EXOC1: variants seen among roughly 807,000 people sequenced by gnomAD.
EXOC1 encodes the protein SEC3-like 1.
Under a neutral mutation model 107.7 loss-of-function variants are expected in EXOC1, and 67 were observed. That is an observed-to-expected ratio of 0.62 (90% CI 0.51 to 0.76). The LOEUF (loss-of-function observed/expected upper bound fraction) is 0.76. EXOC1 is among the 30% of genes least tolerant of loss of function. EXOC1 has a pLI of 0.00. For missense variants in EXOC1, 833 were observed against 1,055.7 expected (o/e 0.79, Z 2.92); for synonymous variants, 348 against 353.5 (o/e 0.98, Z 0.17).
chr4:55,886,581 A>AC (rs1723904505), intron 10 of EXOC1, among the ~76,000 whole-genome samples: 2 of 151,854 alleles, frequency 1.3e-5, no homozygotes, highest in Admixed American at 1.3e-4. Context: ...AAAACAAAAA[A>AC]AAAAAAAACA....
intron 3 of EXOC1, among the ~76,000 whole-genome samples, chr4:55,860,958 CAAAA>C (rs749255857): frequency 5.5e-5 from 4 of 72,874 alleles, no homozygotes; most frequent in Non-Finnish European, 9.4e-5. Flanking sequence ...GTTTGTGGAT[CAAAA>C]AAAAAAAAAA....
intron 9 of EXOC1, among the ~76,000 whole-genome samples, chr4:55,881,540 A>G (rs1002784960): frequency 1.8e-4 from 28 of 152,068 alleles, no homozygotes; most frequent in Non-Finnish European, 3.2e-4. Flanking sequence ...CCTTGGTTTT[A>G]TACATTTTAG....
intron 16 of EXOC1, among the ~76,000 whole-genome samples, chr4:55,898,658 A>G (rs1447047): frequency 0.21 from 31,961 of 152,142 alleles, 3,699 homozygotes; most frequent in Non-Finnish European, 0.25. Context: ...CCTCTCTTCT[A>G]TATATGGGCA....
intron 10 of EXOC1, among the ~76,000 whole-genome samples, chr4:55,885,897 T>C (rs1423352329): frequency 6.6e-6 from 1 of 152,184 alleles, no homozygotes. Context: ...AAGATATCTT[T>C]TCAGTGATTC....
At chr4:55,864,895 G>A (rs1175680003) in intron 4 of EXOC1, among the ~76,000 whole-genome samples, 1 of 152,134 alleles carries the variant, frequency 6.6e-6, no homozygotes, top group African/African-American at 2.4e-5. Context: ...TGTACAGAGG[G>A]TAGATGTAGT....
intron 10 of EXOC1, 66 bp downstream of exon 10, chr4:55,883,994 C>T (rs1342443601): frequency 8.6e-7 from 1 of 1,157,022 alleles, no homozygotes; most frequent in Non-Finnish European, 1.2e-6. Flanking sequence ...ACAAATAATT[C>T]TAAGACTTCT....
rs1724376649 is a variant in EXOC1, at chr4:55,890,394, A to G, written c.1539+8A>G. ...AGGACCAAATTTGATAAGGTAAACT[A>G]AAATAACAAGTACTTCTTAAACATT... On this transcript the variant is annotated splice_region_variant and intron_variant, in intron 12 of 18. Transcript: ENST00000381295. The G allele has an allele frequency of 2.5e-6, 4 of 1,612,544 alleles. No individual in the cohort carries two copies. The highest frequency in any genetic ancestry group is 3.4e-6 in the Non-Finnish European group (4 of 1,179,150).
chr4:55,875,877 C>T, intron 8 of EXOC1: 1 of 902,352 alleles, frequency 1.1e-6, no homozygotes, highest in Non-Finnish European at 1.3e-6. Flanking sequence ...GCAACCTGGG[C>T]AGCATAGTAA....
In EXOC1 at chr4:55,864,375, A is replaced by G. The variant is rs1721765234; in HGVS notation, c.404A>G (p.Gln135Arg). The G allele has an allele frequency of 1.9e-6, 3 of 1,604,136 alleles. No homozygotes were observed. The highest frequency in any genetic ancestry group is 2.2e-5 in the East Asian group (1 of 44,536). ...ATTGATTTTGTCAATGTTAGCTCAC[A>G]GCTTTTGGAAGGTAAAGTTAAATAA... ...KKIDFVNVSSQLLEESVPSGE... is the reference protein window; with the variant it reads ...KKIDFVNVSSRLLEESVPSGE... Residue 135 changes from glutamine (Q) to arginine (R), a missense_variant, in exon 4 of 19, where the codon CAG becomes CGG. Coordinates refer to ENST00000381295, the MANE Select transcript of EXOC1 (RefSeq NM_001024924.2).
At chr4:55,877,761 A>G (rs900477319) in intron 8 of EXOC1, 156 bp from the exon 9 acceptor site, 3 of 983,476 alleles carry the variant, frequency 3.1e-6, no homozygotes, top group Non-Finnish European at 3.6e-6. Context: ...AAGTTGTGTA[A>G]GTATTTGGTT....
chr4:55,883,273 G>T (rs1353383299), intron 9 of EXOC1: 1 of 152,122 alleles, frequency 6.6e-6, no homozygotes, highest in Non-Finnish European at 1.5e-5. Context: ...AAAGCAACAT[G>T]ACAATATAGA....
At chr4:55,855,289 A>T (rs1000690906) in intron 1 of EXOC1, among the ~76,000 whole-genome samples, 1 of 152,216 alleles carries the variant, frequency 6.6e-6, no homozygotes, top group Admixed American at 6.5e-5. Flanking sequence ...TGCAGTGCGA[A>T]AAGAAAGGAA....
intron 17 of EXOC1, among the ~76,000 whole-genome samples, chr4:55,900,166 G>A (rs1725733302): frequency 6.6e-6 from 1 of 152,038 alleles, no homozygotes; most frequent in Non-Finnish European, 1.5e-5. Context: ...AAACAATGAT[G>A]TGTAAGCTAA....
chr4:55,899,510 C>T (rs1257293787), intron 16 of EXOC1, among the ~76,000 whole-genome samples, 175 bp from the exon 17 acceptor site: 2 of 151,870 alleles, frequency 1.3e-5, no homozygotes, highest in South Asian at 2.1e-4. Context: ...TTTAGGATGA[C>T]TTTTTATTAT....
chr4:55,868,295 A>G, intron 4 of EXOC1, 41 bp from the exon 5 acceptor site: 2 of 1,541,924 alleles, frequency 1.3e-6, no homozygotes, highest in Non-Finnish European at 1.8e-6. Flanking sequence ...AGTCTTTTCT[A>G]CTTTTTTGAC....
chr4:55,892,570 GCTATA>G, intron 13 of EXOC1, 60 bp from the exon 14 acceptor site: 1 of 1,314,170 alleles, frequency 7.6e-7, no homozygotes, highest in South Asian at 1.2e-5. Flanking sequence ...GCAGGCTTTT[GCTATA>G]TCAATACTAG....
intron 3 of EXOC1, among the ~76,000 whole-genome samples, chr4:55,863,312 TTC>T (rs1252117377): frequency 1.3e-5 from 2 of 152,190 alleles, no homozygotes; most frequent in Non-Finnish European, 2.9e-5. Context: ...TATAGTGTAA[TTC>T]TCTCAGATTG....
At chr4:55,856,063 A>G (rs969460804) in intron 1 of EXOC1, among the ~76,000 whole-genome samples, 2 of 152,226 alleles carry the variant, frequency 1.3e-5, no homozygotes, top group African/African-American at 2.4e-5. Flanking sequence ...AGGATTTACA[A>G]CAATAGTCAT....
rs545501032 is a variant in EXOC1 at position 55,904,867 on chromosome 4, T to G, written c.*372T>G. On this transcript the variant is annotated 3_prime_UTR_variant, in exon 19 of 19. Coordinates refer to ENST00000381295, the MANE Select transcript of EXOC1 (RefSeq NM_001024924.2). ...CTACTTCTCTGTTGCTTGCTAATCA[T>G]GTAACTACTAAAATACTGTACAAAA... 1 of 162,504 alleles carries G rather than the reference T, an allele frequency of 6.2e-6. No homozygotes were observed. The highest frequency in any genetic ancestry group is 6.4e-5 in the Admixed American group (1 of 15,590). 10.1% of individuals were successfully genotyped at this position (162,504 alleles called of 1,614,324 possible).
Sources: allele counts gnomAD v4.1 joint callset (sites outside exome capture counted in the v4.1 genomes callset), GRCh38; gene constraint gnomAD v4.1.1; transcripts MANE v1.5; gene names NCBI Gene and HGNC (gene_info 2026-07-23, HGNC 2026-07-21).